Variants in MCM6 observed in about 807,000 individuals in gnomAD.
MCM6 encodes the protein minichromosome maintenance complex component 6, also known as DNA replication licensing factor MCM6.
In MCM6, 46 loss-of-function variants were observed where a neutral mutation model predicts 94.3. The observed-to-expected ratio is 0.49, with a 90% confidence interval of 0.39 to 0.62. MCM6 has a LOEUF of 0.62. Ranked by LOEUF, MCM6 falls within the 20% of genes least tolerant of loss-of-function variation. The pLI is 0.00. For synonymous variants in MCM6, 335 were observed against 351.9 expected (o/e 0.95, Z 0.54); for missense variants, 865 against 1,017.9 (o/e 0.85, Z 2.04).
intron 4 of MCM6, among the ~76,000 whole-genome samples, chr2:135,867,728 T>C (rs991317103): frequency 1.3e-5 from 2 of 152,022 alleles, no homozygotes; most frequent in African/African-American, 4.8e-5. Context: ...TCAGTTTGCT[T>C]TTAAAAAAAA....
intron 11 of MCM6, among the ~76,000 whole-genome samples, chr2:135,853,540 T>C (rs1320181355): frequency 1.3e-5 from 2 of 152,200 alleles, no homozygotes; most frequent in South Asian, 4.1e-4. Context: ...AATTAACTTA[T>C]GCAATCCTCA....
chr2:135,842,094 G>A (rs2105569443), intron 16 of MCM6, among the ~76,000 whole-genome samples: 1 of 151,114 alleles, frequency 6.6e-6, no homozygotes, highest in East Asian at 1.9e-4. Flanking sequence ...AACAGAGCAA[G>A]ACTCTCTCAA....
Position 135,846,216 on chromosome 2 carries a change from G to C in MCM6, c.2209+21C>G, listed in dbSNP as rs369021745. ...CTTACAGAAGTGACCGAGCATGTAA[G>C]CAGTACCAGGTAAGCCTCACCTTCT... On this transcript the variant is annotated intron_variant, in intron 15 of 16. Transcript: ENST00000264156. 4 of 1,612,292 alleles carry C rather than the reference G, an allele frequency of 2.5e-6. No individual in the cohort carries two copies. In the African/African-American group the frequency reaches 5.3e-5, roughly 22 times the overall value.
In MCM6 at chr2:135,872,691, C is replaced by T. The variant is rs140626674; in HGVS notation, c.254+6G>A. 2.8e-4 allele frequency: 453 copies of T among 1,613,774 alleles called. 5 individuals carry two copies. The East Asian group carries it at 9.2e-3, about 33-fold the overall frequency. On this transcript the variant is annotated splice_donor_region_variant and intron_variant, in intron 2 of 16. Transcript: ENST00000264156. ...TTCAAAGTAAAGAAGATTAATATGC[C>T]CATACCTATAGAACTCCTCTTGAAT...
chr2:135,844,563 A>G lies in MCM6; in HGVS notation c.2331T>C (p.Ile777=), dbSNP rs1214034213. Residue 777 remains isoleucine, a synonymous_variant, in exon 16 of 17, where the codon ATT becomes ATC. Transcript: ENST00000264156. ...CACCTACATAGTGTGTGAGTCGATGAATAACTTTCTCTATGATTCTTTTTT... is the reference window on the plus strand; with the variant it reads ...CACCTACATAGTGTGTGAGTCGATGGATAACTTTCTCTATGATTCTTTTTT... The part of the protein sequence containing the change: ...INKKRIIEKV[I]HRLTHYDHVL... 1.3e-6 allele frequency: 2 copies of G among 1,573,824 alleles called. No individual in the cohort carries two copies. The highest frequency in any genetic ancestry group is 1.7e-6 in the Non-Finnish European group (2 of 1,162,556).
rs372891652 is a variant in MCM6 at position 135,846,363 on chromosome 2, C to T, written c.2083G>A (p.Gly695Arg). The T allele has an allele frequency of 1.6e-5, 26 of 1,613,974 alleles. No homozygotes were observed. The highest frequency in any genetic ancestry group is 6.6e-5 in the South Asian group (6 of 91,080). Residue 695 changes from glycine to arginine, a missense_variant, in exon 15 of 17, where the codon GGG (glycine) becomes AGG (arginine). Gly to Arg is a moderately radical substitution (Grantham distance 125). Transcript: ENST00000264156. ...GHADSPAPVN[G>R]INGYNEDINQ... ...ATGTCTTCATTGTAGCCATTGATCC[C>T]GTTCACAGGAGCAGGGCTGTCAGCA...
chr2:135,865,178 C>A lies in MCM6; in HGVS notation c.928-15G>T. On this transcript the variant is annotated splice_polypyrimidine_tract_variant and intron_variant, in intron 6 of 16. Transcript: ENST00000264156. Reference sequence around the variant, plus strand: ...TTCCCCCCAAACTAATGGTAGAGAACAAAGGAAGAATCATTAGTATAGAAG... The same window carrying A: ...TTCCCCCCAAACTAATGGTAGAGAAAAAAGGAAGAATCATTAGTATAGAAG... 6.9e-7 allele frequency: 1 copy of A among 1,454,794 alleles called. No individual in the cohort carries two copies. The allele number at this position is 1,454,794 out of a possible 1,614,324, so 90.1% of individuals were successfully genotyped here.
At chr2:135,865,839 A>G (rs1165009831) in intron 6 of MCM6, among the ~76,000 whole-genome samples, 1 of 152,200 alleles carries the variant, frequency 6.6e-6, no homozygotes, top group African/African-American at 2.4e-5. Flanking sequence ...TCAGAATCCT[A>G]TCATTTCGTG....
chr2:135,869,355 C>T lies in MCM6; in HGVS notation c.366-495G>A, dbSNP rs4988169. 5.1e-3 allele frequency among the ~76,000 whole-genome samples: 753 copies of T among 147,018 alleles called. 6 individuals are homozygous for T. Among genetic ancestry groups the T allele is most frequent in the African/African-American group, 0.017 (685 of 39,570 alleles). On this transcript the variant is annotated intron_variant, in intron 3 of 16. Coordinates refer to ENST00000264156, the MANE Select transcript of MCM6 (RefSeq NM_005915.6). ...GGTGGAGGGTGCAGTGAGCCAAGAT[C>T]GTGCCACTGCACTCTGGCCTGGGTG...
chr2:135,849,718 CAAG>C (rs1011670173), intron 13 of MCM6, among the ~76,000 whole-genome samples: 34 of 152,106 alleles, frequency 2.2e-4, no homozygotes, highest in African/African-American at 8.0e-4. Flanking sequence ...CTAACACACA[CAAG>C]AATATATAAT....
rs200891182 is a variant in MCM6 at position 135,846,219 on chromosome 2, G to C, written c.2209+18C>G. The C allele has an allele frequency of 3.3e-5, 53 of 1,613,100 alleles. No homozygotes were observed. In the East Asian group the frequency reaches 1.2e-3, roughly 35 times the overall value. ...ACAGAAGTGACCGAGCATGTAAGCAGTACCAGGTAAGCCTCACCTTCTTCC... is the reference window on the plus strand; with the variant it reads ...ACAGAAGTGACCGAGCATGTAAGCACTACCAGGTAAGCCTCACCTTCTTCC... On this transcript the variant is annotated intron_variant, in intron 15 of 16. Coordinates refer to ENST00000264156, the MANE Select transcript of MCM6 (RefSeq NM_005915.6).
chr2:135,852,691 G>T, intron 12 of MCM6, 96 bp downstream of exon 12: 2 of 880,028 alleles, frequency 2.3e-6, no homozygotes, highest in Non-Finnish European at 3.1e-6. Context: ...AACTAAGGTA[G>T]ATGACAGGTT....
intron 4 of MCM6, 32 bp from the exon 5 acceptor site, chr2:135,866,760 G>A: frequency 1.1e-5 from 17 of 1,550,350 alleles, no homozygotes; most frequent in Non-Finnish European, 1.4e-5. Context: ...AACCAAGAAT[G>A]AGAAGCAATA....
At chr2:135,861,414 A>C (rs1326043121) in intron 8 of MCM6, among the ~76,000 whole-genome samples, 1 of 152,214 alleles carries the variant, frequency 6.6e-6, no homozygotes, top group Admixed American at 6.5e-5. Context: ...AGAGTAAGAC[A>C]TAACACATAT....
chr2:135,864,668 T>A (rs1267277517), intron 7 of MCM6, among the ~76,000 whole-genome samples: 1 of 152,242 alleles, frequency 6.6e-6, no homozygotes, highest in Non-Finnish European at 1.5e-5. Context: ...CATTTTTCAG[T>A]GTATAAGTTC....
chr2:135,875,467 C>G (rs1680277837), intron 1 of MCM6, among the ~76,000 whole-genome samples: 1 of 152,032 alleles, frequency 6.6e-6, no homozygotes, highest in African/African-American at 2.4e-5. Flanking sequence ...CTAAAATGGT[C>G]AACTTTGTTA....
chr2:135,861,117 CTGTGA>C (rs1187231339), intron 8 of MCM6, among the ~76,000 whole-genome samples: 1 of 152,088 alleles, frequency 6.6e-6, no homozygotes, highest in Non-Finnish European at 1.5e-5. Context: ...AAAACTCAGT[CTGTGA>C]TATGTTCAAA....
At chr2:135,867,813 T>C (rs1680127214) in intron 4 of MCM6, among the ~76,000 whole-genome samples, 1 of 152,006 alleles carries the variant, frequency 6.6e-6, no homozygotes, top group South Asian at 2.1e-4. Context: ...GATCACGAAG[T>C]CAGGAGATCG....
chr2:135,848,701 T>G (rs1463436260), intron 13 of MCM6, among the ~76,000 whole-genome samples: 1 of 152,052 alleles, frequency 6.6e-6, no homozygotes. Flanking sequence ...CTGACCAACA[T>G]GGAGAAACCC....
Sources: gnomAD v4.1 joint callset for allele counts (sites outside exome capture counted in the v4.1 genomes callset) on GRCh38, gnomAD v4.1.1 for gene constraint, MANE v1.5 for transcripts, NCBI Gene and HGNC (gene_info 2026-07-23, HGNC 2026-07-21) for gene names.